Variants in CNIH3 observed in about 807,000 individuals in gnomAD.
CNIH3 encodes the protein cornichon family AMPA receptor auxiliary protein 3.
In CNIH3, 14 loss-of-function variants were observed where a neutral mutation model predicts 24.1. The observed-to-expected ratio is 0.58, with a 90% CI of 0.38 to 0.91. The LOEUF (loss-of-function observed/expected upper bound fraction) is 0.91, where lower values mean the gene tolerates loss of function less well. Among genes scored for constraint, CNIH3 ranks in the 40% least tolerant of loss-of-function variants. The probability of loss-of-function intolerance (pLI) is 0.00; values close to 1 mark genes in which losing one functional copy is unlikely to be tolerated. For missense variants in CNIH3, 178 were observed against 196.8 expected (o/e 0.90, Z 0.57); for synonymous variants, 68 against 73.8 (o/e 0.92, Z 0.40).
intron 3 of CNIH3, chr1:224,717,807 C>T (rs186634298): frequency 6.6e-6 from 1 of 152,334 alleles, no homozygotes; most frequent in East Asian, 1.9e-4. Flanking sequence ...GCTAGAGCTT[C>T]AGTCTGTGGA....
intron 1 of CNIH3, among the ~76,000 whole-genome samples, chr1:224,467,208 G>A (rs1175193671): frequency 1.3e-5 from 2 of 151,928 alleles, no homozygotes; most frequent in African/African-American, 2.4e-5. Flanking sequence ...TCTGTTTTTT[G>A]TAGAGACATT....
chr1:224,537,291 A>T (rs1252375894), downstream of CNIH3: 5 of 152,236 alleles, frequency 3.3e-5, no homozygotes, highest in African/African-American at 1.2e-4. Context: ...CCCTCTGCTC[A>T]CCTGAGACAA....
chr1:224,609,118 G>A (rs527917630), intron 3 of CNIH3, among the ~76,000 whole-genome samples: 29 of 152,264 alleles, frequency 1.9e-4, no homozygotes, highest in Admixed American at 5.9e-4. Context: ...TTGTTGGAGG[G>A]AGGTCCTCTC....
chr1:224,653,900 GA>G (rs1293054769), intron 1 of CNIH3, among the ~76,000 whole-genome samples: 1 of 152,092 alleles, frequency 6.6e-6, no homozygotes, highest in Non-Finnish European at 1.5e-5. Context: ...GCAATATGGT[GA>G]AACCCTGTCT....
chr1:224,585,057 C>T (rs182994119), intron 5 of CNIH3, among the ~76,000 whole-genome samples: 2 of 152,184 alleles, frequency 1.3e-5, no homozygotes, highest in Admixed American at 6.5e-5. Context: ...CTCTCCATTT[C>T]CCTCGCATTG....
At chr1:224,675,696 C>G in intron 1 of CNIH3, among the ~76,000 whole-genome samples, 1 of 152,166 alleles carries the variant, frequency 6.6e-6, no homozygotes, top group Non-Finnish European at 1.5e-5. Context: ...AAAAGATGTA[C>G]AGATGACAGC....
At chr1:224,441,234 C>G (rs1217634865) in intron 1 of CNIH3, among the ~76,000 whole-genome samples, 3 of 152,104 alleles carry the variant, frequency 2.0e-5, no homozygotes, top group African/African-American at 4.8e-5. Flanking sequence ...AAAGAACACT[C>G]AAAAAACATC....
intron 3 of CNIH3, among the ~76,000 whole-genome samples, chr1:224,548,328 C>T (rs1008238306): frequency 6.6e-6 from 1 of 151,824 alleles, no homozygotes; most frequent in African/African-American, 2.4e-5. Context: ...GGAGACATTA[C>T]TTTCAATATC....
chr1:224,455,043 C>T (rs1210390313), intron 1 of CNIH3, among the ~76,000 whole-genome samples: 2 of 152,176 alleles, frequency 1.3e-5, no homozygotes, highest in Non-Finnish European at 2.9e-5. Flanking sequence ...ATCCACCTAA[C>T]CTACAGAACT....
At chr1:224,657,944 C>T (rs181125280) in intron 1 of CNIH3, among the ~76,000 whole-genome samples, 1 of 152,256 alleles carries the variant, frequency 6.6e-6, no homozygotes, top group African/African-American at 2.4e-5. Flanking sequence ...TTACTGATAA[C>T]ATATACTAAG....
chr1:224,496,670 T>C (rs1288165579), intron 1 of CNIH3, among the ~76,000 whole-genome samples: 2 of 152,130 alleles, frequency 1.3e-5, no homozygotes, highest in Non-Finnish European at 2.9e-5. Flanking sequence ...GTCCCTTCCC[T>C]CAAAGAGCAC....
At chr1:224,693,987 A>G (rs1300807864) in intron 3 of CNIH3, among the ~76,000 whole-genome samples, 2 of 152,186 alleles carry the variant, frequency 1.3e-5, no homozygotes, top group African/African-American at 4.8e-5. Context: ...ACACTCTGGG[A>G]AATATTTGGT....
At chr1:224,546,763 G>A (rs181832850) in intron 2 of CNIH3, 15 of 325,018 alleles carry the variant, frequency 4.6e-5, no homozygotes, top group African/African-American at 2.5e-4. Context: ...AAACTCTAAG[G>A]TCAGCAGAGC....
intron 1 of CNIH3, among the ~76,000 whole-genome samples, chr1:224,501,523 A>ATT (rs1421187013): frequency 2.9e-4 from 32 of 112,256 alleles, no homozygotes; most frequent in African/African-American, 1.0e-3. Context: ...ATATATATAT[A>ATT]TATTTTTTTT....
intron 1 of CNIH3, among the ~76,000 whole-genome samples, chr1:224,498,880 C>A (rs56081029): frequency 1.3e-5 from 2 of 152,228 alleles, no homozygotes; most frequent in Non-Finnish European, 2.9e-5. Context: ...ACTTACATTG[C>A]TCTAGGAGAG....
At chr1:224,514,287 G>A (rs374467161), upstream of CNIH3, among the ~76,000 whole-genome samples, 7 of 152,030 alleles carry the variant, frequency 4.6e-5, no homozygotes, top group East Asian at 1.9e-4. Flanking sequence ...TAGTTTATAC[G>A]CATGCAGGTT....
At chr1:224,437,686 T>C (rs1038651839) in intron 1 of CNIH3, among the ~76,000 whole-genome samples, 19 of 152,302 alleles carry the variant, frequency 1.2e-4, no homozygotes, top group Non-Finnish European at 1.5e-4. Context: ...ATAGAAGATA[T>C]CCAAGTGAAT....
At chr1:224,637,457 C>A (rs1182705690) in intron 1 of CNIH3, among the ~76,000 whole-genome samples, 1 of 140,798 alleles carries the variant, frequency 7.1e-6, no homozygotes, top group East Asian at 2.2e-4. Context: ...ACAGTTGCTT[C>A]AGCCTCCTGA....
At chr1:224,536,238 G>A (rs1679276249) in intron 2 of CNIH3, among the ~76,000 whole-genome samples, 1 of 150,574 alleles carries the variant, frequency 6.6e-6, no homozygotes, top group Non-Finnish European at 1.5e-5. Flanking sequence ...CATTTTGGTG[G>A]CATCCCCTTT....
Sources: allele counts gnomAD v4.1 joint callset (sites outside exome capture counted in the v4.1 genomes callset), GRCh38; gene constraint gnomAD v4.1.1; transcripts MANE v1.5; gene names NCBI Gene and HGNC (gene_info 2026-07-23, HGNC 2026-07-21).